The following MEIS1 variants were observed in gnomAD, a reference collection of about 807,000 sequenced individuals.
MEIS1 encodes Meis homeobox 1, also known as homeobox protein Meis1.
A neutral mutation model predicts 50.8 loss-of-function variants in MEIS1; 5 were observed. The ratio of observed to expected loss-of-function variants is 0.10; its 90% CI spans 0.05 to 0.21. The LOEUF (loss-of-function observed/expected upper bound fraction) is 0.21, where lower values mean the gene tolerates loss of function less well. Ranked by LOEUF, MEIS1 falls within the 10% of genes least tolerant of loss-of-function variation. The pLI is 1.00. For synonymous variants in MEIS1, 176 were observed against 179.3 expected (o/e 0.98, Z 0.15); for missense variants, 318 against 517.3 (o/e 0.61, Z 3.74).
At chr2:66,548,143 A>C in intron 9 of MEIS1, 124 bp downstream of exon 9, 2 of 856,880 alleles carry the variant, frequency 2.3e-6, no homozygotes, top group Non-Finnish European at 3.7e-6. Context: ...TGTTGATTCA[A>C]AAGTGAAAAC....
chr2:66,554,755 A>G (rs1675012922), intron 9 of MEIS1, among the ~76,000 whole-genome samples: 1 of 152,216 alleles, frequency 6.6e-6, no homozygotes, highest in African/African-American at 2.4e-5. Context: ...TTCCAGCTTT[A>G]TCCTAGGAGT....
chr2:66,507,035 A>G (rs1159640451), intron 7 of MEIS1, among the ~76,000 whole-genome samples: 1 of 152,210 alleles, frequency 6.6e-6, no homozygotes, highest in Non-Finnish European at 1.5e-5. Context: ...TGGGAGAAAC[A>G]TGCAAGAGAA....
intron 7 of MEIS1, among the ~76,000 whole-genome samples, chr2:66,480,956 T>C (rs569432061): frequency 2.9e-4 from 44 of 152,004 alleles, no homozygotes; most frequent in Admixed American, 2.0e-3. Flanking sequence ...ACATGGCACA[T>C]ACCCTTCCCT....
At chr2:66,503,062 T>C (rs1161349265) in intron 7 of MEIS1, among the ~76,000 whole-genome samples, 6 of 152,318 alleles carry the variant, frequency 3.9e-5, no homozygotes, top group Non-Finnish European at 8.8e-5. Flanking sequence ...AATGGACTCA[T>C]TGCTTTTCCA....
chr2:66,544,132 T>C (rs1275618790), intron 8 of MEIS1, among the ~76,000 whole-genome samples: 1 of 152,220 alleles, frequency 6.6e-6, no homozygotes, highest in Non-Finnish European at 1.5e-5. Flanking sequence ...ACTCTTTATC[T>C]CTTTTGCAAA....
chr2:66,511,411 T>A (rs139702543), intron 7 of MEIS1, among the ~76,000 whole-genome samples: 1 of 152,284 alleles, frequency 6.6e-6, no homozygotes, highest in African/African-American at 2.4e-5. Flanking sequence ...GATTTTTCAG[T>A]GTGAAAAATG....
chr2:66,469,890 G>A (rs1672727052), intron 7 of MEIS1, among the ~76,000 whole-genome samples: 1 of 150,764 alleles, frequency 6.6e-6, no homozygotes, highest in Non-Finnish European at 1.5e-5. Flanking sequence ...CTTTTCAGCT[G>A]AAAACACAAA....
chr2:66,523,198 T>C (rs1674169419), intron 8 of MEIS1, among the ~76,000 whole-genome samples: 1 of 152,170 alleles, frequency 6.6e-6, no homozygotes, highest in Non-Finnish European at 1.5e-5. Context: ...CTGATGGATT[T>C]CTCAATGGTT....
chr2:66,461,754 T>C, intron 6 of MEIS1: 1 of 392,546 alleles, frequency 2.5e-6, no homozygotes, highest in East Asian at 8.0e-5. Flanking sequence ...GAGCCCAGCA[T>C]CTAAGGCCCA....
intron 1 of MEIS1, chr2:66,437,047 T>C: frequency 1.3e-6 from 1 of 782,692 alleles, no homozygotes; most frequent in Non-Finnish European, 1.6e-6. Flanking sequence ...TTTCTTTAAC[T>C]TTGGGGGTGG....
At chr2:66,488,397 G>T (rs897178853) in intron 7 of MEIS1, among the ~76,000 whole-genome samples, 6 of 152,196 alleles carry the variant, frequency 3.9e-5, no homozygotes, top group Non-Finnish European at 7.3e-5. Context: ...ACAATGAGCT[G>T]GCTAGGTGCA....
chr2:66,443,547 T>C (rs1672052277), intron 6 of MEIS1: 1 of 157,584 alleles, frequency 6.3e-6, no homozygotes, highest in African/African-American at 2.4e-5. Flanking sequence ...TACGGTTCAT[T>C]AGCCTGTCTT....
At chr2:66,557,901 C>A (rs913810587) in intron 9 of MEIS1, among the ~76,000 whole-genome samples, 1 of 152,162 alleles carries the variant, frequency 6.6e-6, no homozygotes, top group African/African-American at 2.4e-5. Context: ...ACTCAGTTCT[C>A]ATATTCTTCT....
intron 10 of MEIS1, 29 bp from the exon 11 acceptor site, chr2:66,568,638 T>C: frequency 6.3e-7 from 1 of 1,579,248 alleles, no homozygotes; most frequent in African/African-American, 1.3e-5. Flanking sequence ...GAGACTGTTA[T>C]TAAAAAACCA....
intron 6 of MEIS1, among the ~76,000 whole-genome samples, chr2:66,444,605 C>T (rs955635072): frequency 3.9e-5 from 6 of 152,234 alleles, no homozygotes; most frequent in African/African-American, 1.4e-4. Flanking sequence ...CGTGCGCAAT[C>T]CCAGTGCGGC....
chr2:66,447,994 A>T (rs1672192448), intron 6 of MEIS1, among the ~76,000 whole-genome samples: 1 of 152,200 alleles, frequency 6.6e-6, no homozygotes, highest in Non-Finnish European at 1.5e-5. Context: ...GGTCATTCAA[A>T]TAGCAATTCT....
At position 66,571,407 on chromosome 2, in the gene MEIS1, A is replaced by C. The variant is rs1289211604; in HGVS notation, c.*199A>C. The C allele has an allele frequency of 1.9e-6, 3 of 1,606,456 alleles. No homozygotes were observed. Among genetic ancestry groups the C allele is most frequent in the Non-Finnish European group, 2.5e-6 (3 of 1,176,788 alleles). On this transcript the variant is annotated 3_prime_UTR_variant, in exon 13 of 13. Coordinates refer to ENST00000272369, the MANE Select transcript of MEIS1 (RefSeq NM_002398.3). ...CATTCCTGGACACCCTCACCACCCAACAGTGATGATGCATGGAGGACCGCC... is the reference window on the plus strand; with the variant it reads ...CATTCCTGGACACCCTCACCACCCACCAGTGATGATGCATGGAGGACCGCC...
intron 1 of MEIS1, among the ~76,000 whole-genome samples, chr2:66,436,480 C>T (rs955840841): frequency 2.6e-5 from 4 of 152,194 alleles, no homozygotes; most frequent in Non-Finnish European, 5.9e-5. Context: ...CTAATTTCCC[C>T]ATATTCCTTT....
At chr2:66,517,813 ATTCTGGGGCAACTGCCTTT>A (rs1428207663) in intron 8 of MEIS1, among the ~76,000 whole-genome samples, 1 of 152,178 alleles carries the variant, frequency 6.6e-6, no homozygotes, top group Non-Finnish European at 1.5e-5. Context: ...TGGTTTCCAG[ATTCTGGGGCAACTGCCTTT>A]TTCTTTTTCT....
Sources: allele counts gnomAD v4.1 joint callset (sites outside exome capture counted in the v4.1 genomes callset), GRCh38; gene constraint gnomAD v4.1.1; transcripts MANE v1.5; gene names NCBI Gene and HGNC (gene_info 2026-07-23, HGNC 2026-07-21).